The following MARCHF1 variants were observed in gnomAD, a reference collection of about 807,000 sequenced individuals.
The protein encoded by MARCHF1 is E3 ubiquitin-protein ligase MARCHF1.
A neutral mutation model predicts 54.2 loss-of-function variants in MARCHF1; 40 were observed. The observed-to-expected ratio is 0.74, with a 90% CI of 0.57 to 0.96. MARCHF1 has a LOEUF of 0.96. Ranked by LOEUF, MARCHF1 falls within the 40% of genes least tolerant of loss-of-function variation. The pLI is 0.00. For synonymous variants in MARCHF1, 236 were observed against 236.3 expected, an observed-to-expected ratio of 1.00 and a Z score of 0.01; for missense variants, 586 against 656.5, an observed-to-expected ratio of 0.89 and a Z score of 1.17.
chr4:164,341,626 G>C (rs961419986), intron 1 of MARCHF1, among the ~76,000 whole-genome samples: 1 of 152,162 alleles, frequency 6.6e-6, no homozygotes, highest in Non-Finnish European at 1.5e-5. Flanking sequence ...AATGGCATCA[G>C]GTTGCTGTGT....
chr4:163,849,547 T>G (rs576586648), intron 4 of MARCHF1, among the ~76,000 whole-genome samples: 24 of 152,310 alleles, frequency 1.6e-4, no homozygotes, highest in African/African-American at 5.5e-4. Flanking sequence ...TCAATTTCCC[T>G]ATTCAGGTTA....
At chr4:164,229,403 T>C (rs1036747738) in intron 1 of MARCHF1, among the ~76,000 whole-genome samples, 19 of 152,140 alleles carry the variant, frequency 1.2e-4, no homozygotes, top group African/African-American at 4.6e-4. Context: ...AGACCAGGGC[T>C]TGAGGCCAGC....
At chr4:163,629,235 G>T (rs570344419) in intron 5 of MARCHF1, among the ~76,000 whole-genome samples, 2 of 152,156 alleles carry the variant, frequency 1.3e-5, no homozygotes, top group African/African-American at 4.8e-5. Context: ...CAGAACAGAG[G>T]CCTCAGAAAT....
intron 1 of MARCHF1, among the ~76,000 whole-genome samples, chr4:164,276,530 CGT>C (rs200401126): frequency 0.021 from 3,118 of 150,680 alleles, 130 homozygotes; most frequent in African/African-American, 0.071. Flanking sequence ...TGTATATATA[CGT>C]GTGTGTGTAT....
chr4:163,759,735 T>C (rs1356592177), intron 4 of MARCHF1, among the ~76,000 whole-genome samples: 1 of 152,234 alleles, frequency 6.6e-6, no homozygotes, highest in African/African-American at 2.4e-5. Flanking sequence ...TTTTTTCTTT[T>C]ATAAAAGCCA....
chr4:164,336,357 T>A (rs1010198905), intron 1 of MARCHF1, among the ~76,000 whole-genome samples: 1 of 152,206 alleles, frequency 6.6e-6, no homozygotes, highest in South Asian at 2.1e-4. Context: ...AATTTTGCCT[T>A]TTGGACTATG....
chr4:163,719,878 G>T (rs1417341577), intron 4 of MARCHF1, among the ~76,000 whole-genome samples: 2 of 152,106 alleles, frequency 1.3e-5, no homozygotes, highest in East Asian at 1.9e-4. Flanking sequence ...TGATGGGGTT[G>T]TTTTTTTCTT....
chr4:163,753,741 T>A (rs1746590079), intron 4 of MARCHF1, among the ~76,000 whole-genome samples: 1 of 152,196 alleles, frequency 6.6e-6, no homozygotes, highest in African/African-American at 2.4e-5. Context: ...AGTTTTCTTC[T>A]TATTCTACTA....
Position 163,937,325 on chromosome 4 carries a change from GTTT to G in MARCHF1, c.-39+51173_-39+51175del, listed in dbSNP as rs1041519277. 6.3e-3 allele frequency among the ~76,000 whole-genome samples: 955 copies of G among 151,818 alleles called. 9 individuals carry two copies. Among genetic ancestry groups the G allele is most frequent in the African/African-American group, 0.022 (909 of 41,368 alleles). On this transcript the variant is annotated intron_variant, in intron 3 of 9. Transcript: ENST00000514618. ...ATATGATAAAAATATGCAGAGTAGA[GTTT>G]TTATTTTATAGTTAATAACAAAAGC...
chr4:164,203,003 G>A (rs1731497318), intron 1 of MARCHF1, among the ~76,000 whole-genome samples: 1 of 152,146 alleles, frequency 6.6e-6, no homozygotes, highest in African/African-American at 2.4e-5. Context: ...AAGAGAGAGA[G>A]AGAGAGAGAG....
chr4:163,700,725 T>C (rs1434528580), intron 5 of MARCHF1, 88 bp downstream of exon 5: 18 of 983,050 alleles, frequency 1.8e-5, no homozygotes, highest in South Asian at 9.8e-5. Context: ...TGCTCACAGA[T>C]AACAATTATA....
intron 4 of MARCHF1, among the ~76,000 whole-genome samples, chr4:163,706,409 T>C (rs1744950988): frequency 6.6e-6 from 1 of 152,098 alleles, no homozygotes. Context: ...CATTACATTT[T>C]TGATTTATTT....
chr4:163,888,026 A>G (rs1467010009), intron 3 of MARCHF1, among the ~76,000 whole-genome samples: 1 of 152,178 alleles, frequency 6.6e-6, no homozygotes, highest in Non-Finnish European at 1.5e-5. Context: ...TGATGTTACA[A>G]AAGGACTATA....
At chr4:164,339,132 C>T (rs926755501) in intron 1 of MARCHF1, among the ~76,000 whole-genome samples, 6 of 151,950 alleles carry the variant, frequency 3.9e-5, no homozygotes, top group South Asian at 2.1e-4. Context: ...TAGTAGGAAA[C>T]GTTAATTCCT....
chr4:163,592,302 G>C (rs1447767347), intron 7 of MARCHF1, among the ~76,000 whole-genome samples: 8 of 151,978 alleles, frequency 5.3e-5, no homozygotes, highest in Admixed American at 5.3e-4. Flanking sequence ...TTTCTCAAAG[G>C]AATATTTTCA....
At chr4:163,696,022 A>T (rs1379110658) in intron 5 of MARCHF1, among the ~76,000 whole-genome samples, 7 of 152,126 alleles carry the variant, frequency 4.6e-5, no homozygotes, top group African/African-American at 1.7e-4. Flanking sequence ...AACCTATATA[A>T]CTTATCTGTA....
intron 1 of MARCHF1, among the ~76,000 whole-genome samples, chr4:164,191,550 C>T (rs547946623): frequency 6.6e-6 from 1 of 152,230 alleles, no homozygotes; most frequent in African/African-American, 2.4e-5. Flanking sequence ...TTGAGGAATG[C>T]AAGTTTGAAT....
At chr4:164,257,146 GGTTA>G (rs1233089839) in intron 1 of MARCHF1, among the ~76,000 whole-genome samples, 3 of 151,968 alleles carry the variant, frequency 2.0e-5, no homozygotes, top group Non-Finnish European at 2.9e-5. Flanking sequence ...TAAAATTGAT[GGTTA>G]GTTAATACTT....
intron 4 of MARCHF1, among the ~76,000 whole-genome samples, chr4:163,821,875 G>A (rs1579314125): frequency 1.3e-5 from 2 of 150,988 alleles, no homozygotes; most frequent in East Asian, 1.9e-4. Flanking sequence ...TACTATCTGT[G>A]GATTTGGTGT....
Sources: gnomAD v4.1 joint callset for allele counts (sites outside exome capture counted in the v4.1 genomes callset) on GRCh38, gnomAD v4.1.1 for gene constraint, MANE v1.5 for transcripts, NCBI Gene and HGNC (gene_info 2026-07-23, HGNC 2026-07-21) for gene names.